ARHGAP6: variants seen among roughly 807,000 people sequenced by gnomAD.
The protein encoded by ARHGAP6 is Rho GTPase activating protein 6, also known as rho GTPase-activating protein 6.
A neutral mutation model predicts 55.7 loss-of-function variants in ARHGAP6; 16 were observed. The ratio of observed to expected loss-of-function variants is 0.29; its 90% CI spans 0.19 to 0.44. The LOEUF (loss-of-function observed/expected upper bound fraction) is 0.44. ARHGAP6 is among the 20% of genes least tolerant of loss of function. The probability of loss-of-function intolerance (pLI) is 1.00; values close to 1 mark genes in which losing one functional copy is unlikely to be tolerated. For missense variants in ARHGAP6, 698 were observed against 808.9 expected (o/e 0.86, Z 1.66); for synonymous variants, 382 against 360.9 (o/e 1.06, Z -0.66).
intron 5 of ARHGAP6, among the ~76,000 whole-genome samples, chrX:11,185,588 G>C (rs1156378314): frequency 2.7e-5 from 3 of 111,799 alleles, no homozygotes; most frequent in Non-Finnish European, 5.6e-5. Context: ...AAACACTATA[G>C]CATACAAACT....
chrX:11,374,352 T>C (rs1035951716), intron 1 of ARHGAP6, among the ~76,000 whole-genome samples: 21 of 111,770 alleles, frequency 1.9e-4, no homozygotes, highest in Middle Eastern at 4.6e-3. Flanking sequence ...CCTTGGGACA[T>C]CTCAAACAAC....
At chrX:11,421,005 G>T (rs1234438201) in intron 1 of ARHGAP6, among the ~76,000 whole-genome samples, 2 of 111,181 alleles carry the variant, frequency 1.8e-5, no homozygotes, top group East Asian at 5.6e-4. Flanking sequence ...TTTAACCCAA[G>T]ATTAGGAAGG....
At chrX:11,321,701 C>G (rs1218679964) in intron 1 of ARHGAP6, among the ~76,000 whole-genome samples, 4 of 111,568 alleles carry the variant, frequency 3.6e-5, no homozygotes, top group African/African-American at 1.3e-4. Flanking sequence ...TCATATTATT[C>G]AAAAAGAAAA....
At chrX:11,154,509 G>T (rs1285382268) in intron 10 of ARHGAP6, among the ~76,000 whole-genome samples, 2 of 112,436 alleles carry the variant, frequency 1.8e-5, no homozygotes, top group Non-Finnish European at 3.7e-5. Flanking sequence ...GTTCTTTAAA[G>T]TATAGTATTT....
intron 1 of ARHGAP6, among the ~76,000 whole-genome samples, chrX:11,499,052 G>A (rs1051242777): frequency 1.8e-5 from 2 of 112,041 alleles, no homozygotes; most frequent in African/African-American, 6.5e-5. Flanking sequence ...TTATATCTAG[G>A]AAAGCACTTC....
At chrX:11,605,339 G>A (rs1012222190) in intron 1 of ARHGAP6, among the ~76,000 whole-genome samples, 4 of 111,574 alleles carry the variant, frequency 3.6e-5, no homozygotes, top group Non-Finnish European at 7.5e-5. Flanking sequence ...CAGCAAGCTG[G>A]CACACAGAGG....
intron 1 of ARHGAP6, among the ~76,000 whole-genome samples, chrX:11,434,612 T>A (rs2049970166): frequency 9.0e-6 from 1 of 111,230 alleles, no homozygotes; most frequent in Non-Finnish European, 1.9e-5. Context: ...CTGGCATTAC[T>A]CTGGTGCCTG....
intron 1 of ARHGAP6, among the ~76,000 whole-genome samples, chrX:11,440,013 C>T (rs1170788643): frequency 8.9e-6 from 1 of 112,769 alleles, no homozygotes; most frequent in Non-Finnish European, 1.9e-5. Flanking sequence ...TGGACACATG[C>T]TTGTTAATTG....
At chrX:11,561,175 A>T (rs1292576409) in intron 1 of ARHGAP6, among the ~76,000 whole-genome samples, 1 of 112,022 alleles carries the variant, frequency 8.9e-6, no homozygotes, top group Non-Finnish European at 1.9e-5. Flanking sequence ...AAAGGATCCT[A>T]AGCAACAGAA....
intron 2 of ARHGAP6, among the ~76,000 whole-genome samples, chrX:11,215,761 A>G (rs2046872723): frequency 8.9e-6 from 1 of 112,489 alleles, no homozygotes; most frequent in South Asian, 3.6e-4. Context: ...AGCCGGAAGA[A>G]GGTGCACGCC....
intron 1 of ARHGAP6, among the ~76,000 whole-genome samples, chrX:11,616,352 A>C (rs111569353): frequency 0.14 from 15,630 of 109,740 alleles, 1,018 homozygotes; most frequent in Middle Eastern, 0.24. Flanking sequence ...CTTGAGATGG[A>C]GTCTTGTTCT....
chrX:11,529,693 C>G (rs1043932114), intron 1 of ARHGAP6, among the ~76,000 whole-genome samples: 1 of 111,391 alleles, frequency 9.0e-6, no homozygotes, highest in Admixed American at 9.6e-5. Flanking sequence ...AAACTGACAC[C>G]TTGTTCTTTT....
At chrX:11,574,480 G>C (rs1424174779) in intron 1 of ARHGAP6, among the ~76,000 whole-genome samples, 32 of 108,510 alleles carry the variant, frequency 2.9e-4, no homozygotes, top group Admixed American at 4.0e-4. Context: ...AAAACCACAT[G>C]ATTATCTCAA....
chrX:11,164,798 A>T, intron 9 of ARHGAP6, among the ~76,000 whole-genome samples: 1 of 112,362 alleles, frequency 8.9e-6, no homozygotes, highest in Non-Finnish European at 1.9e-5. Context: ...GTTTAATATC[A>T]GCCCTTAGAA....
At chrX:11,195,987 A>AAAAAAAAG (rs770765295) in intron 3 of ARHGAP6, among the ~76,000 whole-genome samples, 1 of 95,480 alleles carries the variant, frequency 1.0e-5, no homozygotes, top group Non-Finnish European at 2.1e-5. Flanking sequence ...AAAAAAAAAA[A>AAAAAAAAG]GCCGGTTGTG....
At position 11,144,300 on chromosome X, in the gene ARHGAP6, C is replaced by T. The variant is rs774073053; in HGVS notation, c.1908-52G>A. On this transcript the variant is annotated intron_variant, in intron 10 of 12. Coordinates refer to ENST00000337414, the MANE Select transcript of ARHGAP6 (RefSeq NM_013427.3). Reference sequence around the variant, plus strand: ...CGTGAGTTTGTTAACAAGTAGTGACCAGATTTAAACAATATGGCTATTACA... The same window carrying T: ...CGTGAGTTTGTTAACAAGTAGTGACTAGATTTAAACAATATGGCTATTACA... 5 of 1,199,176 alleles carry T rather than the reference C, an allele frequency of 4.2e-6. No homozygotes were observed. The African/African-American group carries it at 7.0e-5, about 17-fold the overall frequency.
intron 1 of ARHGAP6, among the ~76,000 whole-genome samples, chrX:11,306,339 G>A (rs2048238218): frequency 8.9e-6 from 1 of 112,583 alleles, no homozygotes; most frequent in Non-Finnish European, 1.9e-5. Context: ...CCCCTTAGCT[G>A]TCAAGCTCCT....
intron 1 of ARHGAP6, among the ~76,000 whole-genome samples, chrX:11,277,712 A>T (rs765106691): frequency 2.0e-4 from 19 of 93,844 alleles, no homozygotes; most frequent in Admixed American, 5.4e-4. Context: ...TTTTTTTTTA[A>T]AAAAAAATTA....
chrX:11,144,881 A>G (rs2045668278), intron 10 of ARHGAP6, among the ~76,000 whole-genome samples: 1 of 112,374 alleles, frequency 8.9e-6, no homozygotes, highest in African/African-American at 3.2e-5. Context: ...ACTCCATTTT[A>G]TTCAAATACA....
Sources: allele counts gnomAD v4.1 joint callset (sites outside exome capture counted in the v4.1 genomes callset), GRCh38; gene constraint gnomAD v4.1.1; transcripts MANE v1.5; gene names NCBI Gene and HGNC (gene_info 2026-07-23, HGNC 2026-07-21).